Variants in RAP1GAP2 observed in about 807,000 individuals in gnomAD.
The protein encoded by RAP1GAP2 is rap1 GTPase-activating protein 2.
RAP1GAP2 carries 27 observed loss-of-function variants against 95.0 expected under a neutral mutation model. That is an observed-to-expected ratio of 0.28 (90% CI 0.21 to 0.39). The LOEUF is 0.39. Among genes scored for constraint, RAP1GAP2 ranks in the 10% least tolerant of loss-of-function variants. The probability of loss-of-function intolerance (pLI) is 1.00; values close to 1 mark genes in which losing one functional copy is unlikely to be tolerated. For synonymous variants in RAP1GAP2, 373 were observed against 380.9 expected (o/e 0.98, Z 0.24); for missense variants, 771 against 970.0 (o/e 0.79, Z 2.72).
intron 2 of RAP1GAP2, among the ~76,000 whole-genome samples, chr17:2,833,125 G>T (rs1452001587): frequency 6.6e-6 from 1 of 151,154 alleles, no homozygotes; most frequent in Non-Finnish European, 1.5e-5. Flanking sequence ...TGTTTCTCCT[G>T]TAAATGGTTG....
chr17:2,945,218 G>A (rs2043659170), intron 3 of RAP1GAP2, among the ~76,000 whole-genome samples: 1 of 151,752 alleles, frequency 6.6e-6, no homozygotes, highest in South Asian at 2.1e-4. Context: ...TTTTCTGATT[G>A]TTTATTGATT....
At chr17:2,910,630 T>C (rs2042342663) in intron 3 of RAP1GAP2, among the ~76,000 whole-genome samples, 1 of 152,184 alleles carries the variant, frequency 6.6e-6, no homozygotes, top group Admixed American at 6.5e-5. Flanking sequence ...GCGATCCATT[T>C]CCTTTATAGG....
intron 3 of RAP1GAP2, among the ~76,000 whole-genome samples, chr17:2,951,409 G>T (rs1344482167): frequency 6.6e-6 from 1 of 152,140 alleles, no homozygotes; most frequent in Non-Finnish European, 1.5e-5. Context: ...TGAATTCTTT[G>T]ATGCTTCTCT....
intron 19 of RAP1GAP2, 98 bp from the exon 20 acceptor site, chr17:3,025,910 C>A: frequency 1.1e-6 from 1 of 869,972 alleles, no homozygotes; most frequent in Non-Finnish European, 1.8e-6. Context: ...GACCCCACTG[C>A]CCCTCACCGT....
intron 2 of RAP1GAP2, among the ~76,000 whole-genome samples, chr17:2,844,576 C>A (rs895390226): frequency 6.6e-6 from 1 of 152,180 alleles, no homozygotes. Context: ...GCTCAGCTCC[C>A]GGCTGGGTGA....
intron 19 of RAP1GAP2, among the ~76,000 whole-genome samples, chr17:3,024,629 A>G (rs2047049272): frequency 6.6e-6 from 1 of 152,226 alleles, no homozygotes; most frequent in Non-Finnish European, 1.5e-5. Flanking sequence ...TCATGGCAGC[A>G]CTATTTATCA....
At chr17:3,016,865 G>A (rs1378578893) in intron 17 of RAP1GAP2, among the ~76,000 whole-genome samples, 2 of 152,182 alleles carry the variant, frequency 1.3e-5, no homozygotes, top group East Asian at 3.9e-4. Context: ...GGAGTAGAGG[G>A]CCCAGAAGCC....
chr17:2,977,190 C>T (rs1266756563), intron 8 of RAP1GAP2, among the ~76,000 whole-genome samples: 4 of 151,162 alleles, frequency 2.6e-5, no homozygotes, highest in East Asian at 1.9e-4. Context: ...AAGGTGAGGA[C>T]GCAGTTAGAA....
chr17:2,790,384 G>T (rs761734167), intron 1 of RAP1GAP2, among the ~76,000 whole-genome samples: 1 of 152,140 alleles, frequency 6.6e-6, no homozygotes, highest in Non-Finnish European at 1.5e-5. Flanking sequence ...ATCCCAAAGC[G>T]CTGGGATTAC....
intron 3 of RAP1GAP2, among the ~76,000 whole-genome samples, chr17:2,945,918 T>A (rs1298093184): frequency 6.6e-6 from 1 of 151,950 alleles, no homozygotes; most frequent in African/African-American, 2.4e-5. Context: ...CCCTCCCGAG[T>A]AGCTGGGATT....
upstream of RAP1GAP2, among the ~76,000 whole-genome samples, chr17:2,773,856 T>A (rs974012109): frequency 3.3e-5 from 5 of 151,746 alleles, no homozygotes; most frequent in African/African-American, 1.2e-4. Flanking sequence ...CTCCCGGGTT[T>A]AAGCAATTCT....
At chr17:2,936,222 G>A (rs1293645342) in intron 3 of RAP1GAP2, among the ~76,000 whole-genome samples, 1 of 148,080 alleles carries the variant, frequency 6.8e-6, no homozygotes, top group Admixed American at 6.7e-5. Context: ...TCGTCATTTA[G>A]CATTAGGTAT....
At chr17:3,021,172 G>T (rs4239037) in intron 19 of RAP1GAP2, among the ~76,000 whole-genome samples, 139,720 of 152,262 alleles carry the variant, frequency 0.92, 64,242 homozygotes, top group Non-Finnish European at 0.95. Flanking sequence ...GATCTTTTGA[G>T]TTAGGAACAT....
intron 2 of RAP1GAP2, among the ~76,000 whole-genome samples, chr17:2,853,426 G>A (rs1256707952): frequency 1.3e-5 from 2 of 151,926 alleles, no homozygotes; most frequent in African/African-American, 4.8e-5. Flanking sequence ...ATCCGGGGCC[G>A]GGCCGGGGAG....
chr17:2,978,150 A>G (rs181566092), intron 8 of RAP1GAP2, among the ~76,000 whole-genome samples: 23 of 152,326 alleles, frequency 1.5e-4, no homozygotes, highest in African/African-American at 4.8e-4. Flanking sequence ...AATTTCACAC[A>G]TAGAAAATTC....
At chr17:2,861,652 G>GTTTT (rs2072397946) in intron 2 of RAP1GAP2, among the ~76,000 whole-genome samples, 1 of 38,006 alleles carries the variant, frequency 2.6e-5, no homozygotes, top group Non-Finnish European at 5.6e-5. Context: ...ATTTTTTTTG[G>GTTTT]GGGGGGGGAC....
intron 3 of RAP1GAP2, among the ~76,000 whole-genome samples, chr17:2,915,357 A>C (rs2042538710): frequency 6.6e-6 from 1 of 151,956 alleles, no homozygotes; most frequent in African/African-American, 2.4e-5. Flanking sequence ...CAGCCCCCCG[A>C]GTAGCTGGGA....
In RAP1GAP2 at chr17:3,026,378, C is replaced by T. The variant is rs766479387; in HGVS notation, c.1894C>T (p.Arg632Cys). Residue 632 changes from arginine (R) to cysteine (C), a missense_variant, in exon 21 of 25, where the codon CGT becomes TGT. Physicochemically the swap from Arg to Cys is radical, Grantham distance 180. Coordinates refer to ENST00000254695, the MANE Select transcript of RAP1GAP2 (RefSeq NM_015085.5). ...KPFMKLKENG[R>C]AISRSSSSTS... Reference sequence around the variant, plus strand: ...CTTCATGAAGTTGAAGGAAAACGGCCGTGCCATCTCCCGCTCCTCCTCCAG... The same window carrying T: ...CTTCATGAAGTTGAAGGAAAACGGCTGTGCCATCTCCCGCTCCTCCTCCAG... The T allele has an allele frequency of 2.3e-5, 36 of 1,551,994 alleles. No individual in the cohort carries two copies. Among genetic ancestry groups the T allele is most frequent in the East Asian group, 7.3e-5 (3 of 40,988 alleles).
chr17:2,785,060 C>T (rs2068741852), intron 1 of RAP1GAP2, among the ~76,000 whole-genome samples: 2 of 152,224 alleles, frequency 1.3e-5, no homozygotes, highest in African/African-American at 4.8e-5. Context: ...ATCCCCCTGC[C>T]TCGCTTGCTG....
Sources: allele counts gnomAD v4.1 joint callset (sites outside exome capture counted in the v4.1 genomes callset), GRCh38; gene constraint gnomAD v4.1.1; transcripts MANE v1.5; gene names NCBI Gene and HGNC (gene_info 2026-07-23, HGNC 2026-07-21).